Variants in SUGCT observed in about 807,000 individuals in gnomAD.
SUGCT encodes succinyl-CoA:glutarate CoA-transferase.
A neutral mutation model predicts 55.0 loss-of-function variants in SUGCT; 41 were observed. The ratio of observed to expected loss-of-function variants is 0.74; its 90% confidence interval spans 0.58 to 0.97. SUGCT has a LOEUF of 0.97. Among genes scored for constraint, SUGCT ranks in the 50% least tolerant of loss-of-function variants. The pLI is 0.00. For missense variants in SUGCT, 568 were observed against 547.8 expected (o/e 1.04, Z -0.37); for synonymous variants, 187 against 200.4 (o/e 0.93, Z 0.56).
chr7:41,016,433 T>A, the SUGCT span, among the ~76,000 whole-genome samples: 3 of 152,130 alleles, frequency 2.0e-5, no homozygotes, highest in East Asian at 5.8e-4. Context: ...ACCCATAGAT[T>A]CCTGTTTCCC....
At chr7:40,903,018 A>ATTTCT in the SUGCT span, among the ~76,000 whole-genome samples, 1,386 of 149,786 alleles carry the variant, frequency 9.3e-3, 11 homozygotes, top group African/African-American at 0.018. Context: ...ACTTTCTTTC[A>ATTTCT]TTTCTTTTCT....
the SUGCT span, among the ~76,000 whole-genome samples, chr7:40,924,265 C>CGT: frequency 0.34 from 46,105 of 135,842 alleles, 7,640 homozygotes; most frequent in Admixed American, 0.44. Context: ...CTTTCAATTA[C>CGT]GTGTGTGTGT....
At chr7:40,580,352 AT>A (rs1797015616) in intron 12 of SUGCT, among the ~76,000 whole-genome samples, 1 of 152,226 alleles carries the variant, frequency 6.6e-6, no homozygotes, top group Admixed American at 6.5e-5. Context: ...CTTAGAAAAT[AT>A]ATTTAAAATA....
the SUGCT span, among the ~76,000 whole-genome samples, chr7:40,997,248 G>A: frequency 1.3e-5 from 2 of 152,134 alleles, no homozygotes; most frequent in African/African-American, 2.4e-5. Context: ...TAGCCACGAA[G>A]TCCCACTGAT....
At chr7:40,631,109 T>C (rs1799768231) in intron 12 of SUGCT, among the ~76,000 whole-genome samples, 1 of 152,230 alleles carries the variant, frequency 6.6e-6, no homozygotes, top group Admixed American at 6.5e-5. Flanking sequence ...CCTAACCCTG[T>C]GTTCTAGAAT....
chr7:40,619,408 A>G (rs1584140937), intron 12 of SUGCT, among the ~76,000 whole-genome samples: 1 of 152,358 alleles, frequency 6.6e-6, no homozygotes, highest in East Asian at 1.9e-4. Context: ...TTTATTTTAC[A>G]TTGCCAAATG....
chr7:40,693,593 T>C (rs1311306116), intron 12 of SUGCT, among the ~76,000 whole-genome samples: 2 of 152,254 alleles, frequency 1.3e-5, no homozygotes, highest in Non-Finnish European at 2.9e-5. Context: ...ATTTGGCTAC[T>C]GTGCTATACT....
At chr7:41,017,766 G>A in the SUGCT span, among the ~76,000 whole-genome samples, 7 of 110,062 alleles carry the variant, frequency 6.4e-5, no homozygotes, top group African/African-American at 1.2e-4. Context: ...GTGAGAGTCC[G>A]TCTCAAAAAA....
chr7:40,175,967 C>T (rs149296234), intron 1 of SUGCT, among the ~76,000 whole-genome samples: 223 of 152,216 alleles, frequency 1.5e-3, no homozygotes, highest in Non-Finnish European at 2.3e-3. Context: ...GTGGCTGGCT[C>T]ATGCCGGTAA....
At chr7:40,289,423 A>T in intron 8 of SUGCT, among the ~76,000 whole-genome samples, 1 of 152,178 alleles carries the variant, frequency 6.6e-6, no homozygotes, top group East Asian at 1.9e-4. Flanking sequence ...ATATGGCCTA[A>T]TTTGAACAAT....
chr7:40,317,647 C>A (rs896277977), intron 9 of SUGCT, among the ~76,000 whole-genome samples: 1 of 152,192 alleles, frequency 6.6e-6, no homozygotes, highest in East Asian at 1.9e-4. Context: ...TTACTGGAGT[C>A]ATTTCAATGT....
chr7:40,706,634 T>A (rs1026312304), intron 12 of SUGCT, among the ~76,000 whole-genome samples: 9 of 152,356 alleles, frequency 5.9e-5, no homozygotes, highest in African/African-American at 2.2e-4. Context: ...ATGTTTCTCA[T>A]GGCAGTGGCT....
At chr7:40,554,789 G>T (rs1435660276) in intron 12 of SUGCT, among the ~76,000 whole-genome samples, 2 of 152,042 alleles carry the variant, frequency 1.3e-5, no homozygotes, top group Non-Finnish European at 2.9e-5. Flanking sequence ...TCCTCTTCCA[G>T]CATCTCTCCT....
At chr7:40,325,896 G>GTGTT (rs1317181746) in intron 9 of SUGCT, among the ~76,000 whole-genome samples, 1 of 68,698 alleles carries the variant, frequency 1.5e-5, no homozygotes, top group Non-Finnish European at 2.8e-5. Flanking sequence ...ATGGATGTGC[G>GTGTT]TCTTTTTTTT....
chr7:40,818,659 A>G (rs1791806945), intron 13 of SUGCT, among the ~76,000 whole-genome samples: 1 of 152,214 alleles, frequency 6.6e-6, no homozygotes, highest in South Asian at 2.1e-4. Context: ...GTAAATGGGA[A>G]GTGAGCCAGT....
In SUGCT at chr7:40,724,222, G is replaced by A. The variant is rs141157669; in HGVS notation, c.1090-25212G>A. Among the ~76,000 whole-genome samples the A allele has an allele frequency of 5.2e-3, 793 of 152,296 alleles. 2 individuals carry two copies. Among genetic ancestry groups the A allele is most frequent in the Non-Finnish European group, 9.0e-3 (614 of 68,028 alleles). The stretch of plus-strand genomic sequence containing the variant: ...TTTCTTCACATGGGGGAACTATCAA[G>A]TAGGAGAATATTGCAAATGACCATT... On this transcript the variant is annotated intron_variant, in intron 12 of 13. Transcript: ENST00000335693.
At chr7:40,970,172 T>C in the SUGCT span, among the ~76,000 whole-genome samples, 1 of 152,068 alleles carries the variant, frequency 6.6e-6, no homozygotes. Flanking sequence ...TATGGTTTTG[T>C]TTTTCTTTTT....
At chr7:40,505,083 T>A (rs1792512192) in intron 12 of SUGCT, among the ~76,000 whole-genome samples, 1 of 152,200 alleles carries the variant, frequency 6.6e-6, no homozygotes, top group Non-Finnish European at 1.5e-5. Flanking sequence ...AGATGTCTAT[T>A]TGGTCCCTTT....
At chr7:41,018,435 G>A in the SUGCT span, among the ~76,000 whole-genome samples, 2 of 152,150 alleles carry the variant, frequency 1.3e-5, no homozygotes, top group African/African-American at 4.8e-5. Context: ...GAGGAAGCAT[G>A]GCAGGGAATG....
Sources: allele counts gnomAD v4.1 joint callset (sites outside exome capture counted in the v4.1 genomes callset), GRCh38; gene constraint gnomAD v4.1.1; transcripts MANE v1.5; gene names NCBI Gene and HGNC (gene_info 2026-07-23, HGNC 2026-07-21).